Variants in AMMECR1L observed in about 807,000 individuals in gnomAD.
AMMECR1L encodes the protein AMMECR1 like, also known as AMMECR1-like protein.
A neutral mutation model predicts 36.8 loss-of-function variants in AMMECR1L; 4 were observed. The ratio of observed to expected loss-of-function variants is 0.11; its 90% CI spans 0.05 to 0.25. AMMECR1L has a LOEUF of 0.25. AMMECR1L is among the 10% of genes least tolerant of loss of function. AMMECR1L has a pLI of 1.00. For synonymous variants in AMMECR1L, 147 were observed against 148.0 expected (o/e 0.99, Z 0.05); for missense variants, 232 against 392.1 (o/e 0.59, Z 3.45).
chr2:127,872,798 A>C (rs1341308399), intron 3 of AMMECR1L, among the ~76,000 whole-genome samples: 3 of 152,168 alleles, frequency 2.0e-5, no homozygotes, highest in Non-Finnish European at 4.4e-5. Flanking sequence ...TCTCTCTCTT[A>C]CGTGGGGCAC....
intron 2 of AMMECR1L, among the ~76,000 whole-genome samples, chr2:127,877,361 A>G (rs1433452360): frequency 6.7e-6 from 1 of 149,884 alleles, no homozygotes; most frequent in African/African-American, 2.5e-5. Context: ...TTTGAGACAA[A>G]GTCTCACTCT....
At position 127,864,945 on chromosome 2, in the gene AMMECR1L, C is replaced by T. The variant is rs950689501; in HGVS notation, c.*149G>A. The stretch of plus-strand genomic sequence containing the variant: ...CAAGGTAACCCTACCCTCCCTCAGT[C>T]AGCGGGAGGCAGACTTGGCAACGGA... On this transcript the variant is annotated 3_prime_UTR_variant, in exon 8 of 8. Transcript: ENST00000272647. 2 of 600,508 alleles carry T rather than the reference C, an allele frequency of 3.3e-6. No homozygotes were observed. Among genetic ancestry groups the T allele is most frequent in the African/African-American group, 1.9e-5 (1 of 53,428 alleles). 37.2% of individuals were successfully genotyped at this position (600,508 alleles called of 1,614,324 possible). A position where few individuals can be genotyped will look rare whatever the true frequency, so the allele number is the denominator to read the frequency against.
In AMMECR1L at chr2:127,874,850, C is replaced by G. The variant is rs2104763733; in HGVS notation, c.-38-578G>C. Among the ~76,000 whole-genome samples, 1 of 152,330 alleles carries G rather than the reference C, an allele frequency of 6.6e-6. No homozygotes were observed. Among genetic ancestry groups the G allele is most frequent in the Non-Finnish European group, 1.5e-5 (1 of 68,036 alleles). ...CACATCTTCTAACACAAGGCTCCCA[C>G]CTTTCTGTCTCTGCAGCTCTCCTCC... On this transcript the variant is annotated intron_variant, in intron 2 of 7. Transcript: ENST00000272647. This position sits in a 1 kb window ranked among gnomAD's most constrained non-coding sequence, Gnocchi z 5.2.
Position 127,873,902 on chromosome 2 carries a change from G to A in AMMECR1L, c.333C>T (p.Tyr111=). ...GGTGACAGTAGAGTACGTCGAAGCA[G>A]TAGCAGCACATCTCTGCAGTCACCA... ...NLVVTAEMCC[Y]CFDVLYCHLY... The change falls in exon 3 of 8, where the codon TAC becomes TAT. Residue 111 remains tyrosine (Y), a synonymous_variant. Coordinates refer to ENST00000272647, the MANE Select transcript of AMMECR1L (RefSeq NM_001199140.2). This position sits in a 1 kb window ranked among gnomAD's most constrained non-coding sequence, Gnocchi z 5.2. 2.5e-6 allele frequency: 4 copies of A among 1,614,242 alleles called. No individual in the cohort carries two copies. The highest frequency in any genetic ancestry group is 3.4e-6 in the Non-Finnish European group (4 of 1,180,044).
chr2:127,878,215 C>T (rs1691335458), intron 2 of AMMECR1L, among the ~76,000 whole-genome samples: 1 of 152,130 alleles, frequency 6.6e-6, no homozygotes, highest in African/African-American at 2.4e-5. Context: ...GGAAAATTAT[C>T]CCCTCATCCA....
At position 127,869,612 on chromosome 2, in the gene AMMECR1L, T is replaced by C; in HGVS notation, c.634-68A>G. On this transcript the variant is annotated intron_variant, in intron 5 of 7. Coordinates refer to ENST00000272647, the MANE Select transcript of AMMECR1L (RefSeq NM_001199140.2). This position sits in a 1 kb window ranked among gnomAD's most constrained non-coding sequence, Gnocchi z 4.7. ...CTAATGGAACTTCAGTCCCCACATA[T>C]AAATCAACATTGTTCCCTGACCAGC... 7.7e-7 allele frequency: 1 copy of C among 1,291,106 alleles called. No individual in the cohort carries two copies. Among genetic ancestry groups the C allele is most frequent in the Non-Finnish European group, 1.1e-6 (1 of 888,172 alleles). 80.0% of individuals were successfully genotyped at this position (1,291,106 alleles called of 1,614,324 possible). A position where few individuals can be genotyped will look rare whatever the true frequency, so the allele number is the denominator to read the frequency against.
chr2:127,877,664 G>T (rs765511741), intron 2 of AMMECR1L, among the ~76,000 whole-genome samples: 1 of 152,162 alleles, frequency 6.6e-6, no homozygotes, highest in Non-Finnish European at 1.5e-5. Context: ...CACAATCTAT[G>T]TATCAGGCTG....
chr2:127,865,033 T>C lies in AMMECR1L; in HGVS notation c.*61A>G, dbSNP rs1573532827. On this transcript the variant is annotated 3_prime_UTR_variant, in exon 8 of 8. Coordinates refer to ENST00000272647, the MANE Select transcript of AMMECR1L (RefSeq NM_001199140.2). The surrounding 1 kb of genome is among the most constrained non-coding windows in gnomAD (Gnocchi z 5.4). ...TGGACCAGGAAGAGGAGGCATCTGCTCCAATGATGTCATAGCCATTGGTGG... is the reference window on the plus strand; with the variant it reads ...TGGACCAGGAAGAGGAGGCATCTGCCCCAATGATGTCATAGCCATTGGTGG... The C allele has an allele frequency of 1.7e-6, 2 of 1,155,048 alleles. No homozygotes were observed. Among genetic ancestry groups the C allele is most frequent in the East Asian group, 4.8e-5 (2 of 41,674 alleles). The allele number at this position is 1,155,048 out of a possible 1,614,324, so 71.5% of individuals were successfully genotyped here.
chr2:127,867,016 C>T lies in AMMECR1L; in HGVS notation c.725-20G>A. ...CCCAGTCTGGGGAGGAGAAAGGCCACACTGAGGTCAATGCACATGCAAGAG... is the reference window on the plus strand; with the variant it reads ...CCCAGTCTGGGGAGGAGAAAGGCCATACTGAGGTCAATGCACATGCAAGAG... On this transcript the variant is annotated intron_variant, in intron 6 of 7. Transcript: ENST00000272647. 6.2e-7 allele frequency: 1 copy of T among 1,613,570 alleles called. No individual in the cohort carries two copies. The highest frequency in any genetic ancestry group is 1.3e-5 in the African/African-American group (1 of 75,068).
At position 127,869,333 on chromosome 2, in the gene AMMECR1L, C is replaced by T; in HGVS notation, c.724+121G>A. 1.1e-6 allele frequency: 1 copy of T among 920,824 alleles called. No homozygotes were observed. The highest frequency in any genetic ancestry group is 1.7e-6 in the Non-Finnish European group (1 of 579,602). The allele number at this position is 920,824 out of a possible 1,614,324, so 57.0% of individuals were successfully genotyped here. On this transcript the variant is annotated intron_variant, in intron 6 of 7. Coordinates refer to ENST00000272647, the MANE Select transcript of AMMECR1L (RefSeq NM_001199140.2). The surrounding 1 kb of genome is among the most constrained non-coding windows in gnomAD (Gnocchi z 4.7). ...TAGGAATTTGACAGGTATTAAGAGG[C>T]AGAAAGGCCCTCATTCTCAGCTGCA...
intron 4 of AMMECR1L, 35 bp from the exon 5 acceptor site, chr2:127,870,963 C>A: frequency 4.6e-6 from 7 of 1,531,848 alleles, no homozygotes; most frequent in Non-Finnish European, 6.3e-6. Flanking sequence ...TAAGGCTGCT[C>A]TGGAGTCAGG....
In AMMECR1L at chr2:127,869,625, T is replaced by C; in HGVS notation, c.634-81A>G. The C allele has an allele frequency of 1.7e-6, 2 of 1,172,684 alleles. No individual in the cohort carries two copies. The highest frequency in any genetic ancestry group is 4.7e-5 in the East Asian group (2 of 42,288). The allele number at this position is 1,172,684 out of a possible 1,614,324, so 72.6% of individuals were successfully genotyped here. ...AGTCCCCACATATAAATCAACATTG[T>C]TCCCTGACCAGCTTAACACAGGCCT... is the stretch of plus-strand genomic sequence containing the variant. On this transcript the variant is annotated intron_variant, in intron 5 of 7. Transcript: ENST00000272647. This position sits in a 1 kb window ranked among gnomAD's most constrained non-coding sequence, Gnocchi z 4.7.
At chr2:127,867,451 G>A (rs1326851515) in intron 6 of AMMECR1L, among the ~76,000 whole-genome samples, 1 of 152,150 alleles carries the variant, frequency 6.6e-6, no homozygotes, top group Non-Finnish European at 1.5e-5. Context: ...AAAATTGACA[G>A]TGAGAAAGAA....
rs1690615684 is a variant in AMMECR1L at position 127,864,886 on chromosome 2, G to A, written c.*208C>T. 7.3e-6 allele frequency: 3 copies of A among 410,496 alleles called. No homozygotes were observed. In the East Asian group the frequency reaches 1.2e-4, roughly 17 times the overall value. 25.4% of individuals were successfully genotyped at this position (410,496 alleles called of 1,614,324 possible). On this transcript the variant is annotated 3_prime_UTR_variant, in exon 8 of 8. Transcript: ENST00000272647. ...GAACCCCATATTGAGGAAAGGCTGA[G>A]ATAAGGCTTGGGCCCCTCAAGTTCT...
chr2:127,865,101 T>C lies in AMMECR1L; in HGVS notation c.926A>G (p.Tyr309Cys). The change falls in exon 8 of 8, where the codon TAC (tyrosine) becomes TGC (cysteine). Residue 309 changes from tyrosine (Y) to cysteine (C), a missense_variant. Around this residue, in one of 3 missense-constraint regions of AMMECR1L, gnomAD observed 40 missense variants for 34.5 expected, o/e 1.16. Coordinates refer to ENST00000272647, the MANE Select transcript of AMMECR1L (RefSeq NM_001199140.2). The surrounding 1 kb of genome is among the most constrained non-coding windows in gnomAD (Gnocchi z 5.4). ...TGGTCATGCAGCCGTGTGTCAGGAG[T>C]AATGATTGTAGAGGGGCGGGGCATG... The part of the protein sequence containing the change: ...TLHAPPLYNH[Y>C]S 6.2e-7 allele frequency: 1 copy of C among 1,611,900 alleles called. No individual in the cohort carries two copies.
Position 127,871,050 on chromosome 2 carries a change from A to G in AMMECR1L, c.519-122T>C. 1 of 927,874 alleles carries G rather than the reference A, an allele frequency of 1.1e-6. No individual in the cohort carries two copies. Among genetic ancestry groups the G allele is most frequent in the Non-Finnish European group, 1.6e-6 (1 of 617,194 alleles). The allele number at this position is 927,874 out of a possible 1,614,324, so 57.5% of individuals were successfully genotyped here. ...CAGAGAGTATCTATTGTTCATCAAC[A>G]CTAACATGTTAAAAACAACTCGATG... On this transcript the variant is annotated intron_variant, in intron 4 of 7. Transcript: ENST00000272647. The surrounding 1 kb of genome is among the most constrained non-coding windows in gnomAD (Gnocchi z 4.3).
intron 2 of AMMECR1L, among the ~76,000 whole-genome samples, chr2:127,878,763 CT>C (rs1691360571): frequency 6.6e-6 from 1 of 152,234 alleles, no homozygotes; most frequent in Non-Finnish European, 1.5e-5. Context: ...CAACCACAAT[CT>C]TTGGCCCTTT....
chr2:127,871,725 C>T lies in AMMECR1L; in HGVS notation c.408-366G>A, dbSNP rs1231431470. On this transcript the variant is annotated intron_variant, in intron 3 of 7. Coordinates refer to ENST00000272647, the MANE Select transcript of AMMECR1L (RefSeq NM_001199140.2). This position sits in a 1 kb window ranked among gnomAD's most constrained non-coding sequence, Gnocchi z 4.3. ...AAGTCTATTTATCCAGGTAGCCATG[C>T]TCCCCCGCTCCGTCTTTCATGATGA... is the stretch of plus-strand genomic sequence containing the variant. Among the ~76,000 whole-genome samples the T allele has an allele frequency of 6.6e-6, 1 of 152,124 alleles. No individual in the cohort carries two copies. Among genetic ancestry groups the T allele is most frequent in the Non-Finnish European group, 1.5e-5 (1 of 68,030 alleles).
rs1051997866 is a variant in AMMECR1L, at chr2:127,873,532, A to G, written c.407+296T>C. ...GTGACTTCCCCACTTGAGAGGTTAA[A>G]TGCCATACCCACTGCCATGTGAACC... On this transcript the variant is annotated intron_variant, in intron 3 of 7. Transcript: ENST00000272647. This position sits in a 1 kb window ranked among gnomAD's most constrained non-coding sequence, Gnocchi z 5.2. The G allele has an allele frequency of 1.0e-6, 1 of 985,326 alleles. No homozygotes were observed. The highest frequency in any genetic ancestry group is 1.7e-5 in the African/African-American group (1 of 57,234). The allele number at this position is 985,326 out of a possible 1,614,324, so 61.0% of individuals were successfully genotyped here. A position where few individuals can be genotyped will look rare whatever the true frequency, so the allele number is the denominator to read the frequency against.
Sources: gnomAD v4.1 joint callset for allele counts (sites outside exome capture counted in the v4.1 genomes callset) on GRCh38, gnomAD v4.1.1 for gene constraint, gnomAD v4.1.1 regional missense constraint, Gnocchi (gnomAD v3.1) non-coding constraint, MANE v1.5 for transcripts, NCBI Gene and HGNC (gene_info 2026-07-23, HGNC 2026-07-21) for gene names.